Variants in CSMD1 observed in about 807,000 individuals in gnomAD.
CSMD1 encodes CUB and Sushi multiple domains 1, also known as CUB and sushi domain-containing protein 1.
A neutral mutation model predicts 417.5 loss-of-function variants in CSMD1; 213 were observed. That is an observed-to-expected ratio of 0.51 (90% CI 0.46 to 0.57). The LOEUF (loss-of-function observed/expected upper bound fraction) is 0.57, where lower values mean the gene tolerates loss of function less well. CSMD1 is among the 20% of genes least tolerant of loss of function. CSMD1 has a pLI of 0.00. For synonymous variants in CSMD1, 2,862 were observed against 1,736.8 expected, an observed-to-expected ratio of 1.65 and a Z score of -16.11; for missense variants, 6,923 against 4,529.7, an observed-to-expected ratio of 1.53 and a Z score of -15.17.
Position 3,820,451 on chromosome 8 carries a change from G to C in CSMD1, c.819-66409C>G, listed in dbSNP as rs141362208. On this transcript the variant is annotated intron_variant, in intron 5 of 69. Transcript: ENST00000635120. Reference sequence around the variant, plus strand: ...CAGGGTCAGGACAATCAATATCACTGTCTTCCAACTTGATACCTTGTCCCA... The same window carrying C: ...CAGGGTCAGGACAATCAATATCACTCTCTTCCAACTTGATACCTTGTCCCA... Among the ~76,000 whole-genome samples the C allele has an allele frequency of 1.2e-4, 19 of 152,346 alleles. 2 individuals are homozygous for C. The highest frequency in any genetic ancestry group is 4.6e-4 in the African/African-American group (19 of 41,590).
At chr8:4,422,852 G>A (rs1056765885) in intron 2 of CSMD1, among the ~76,000 whole-genome samples, 2 of 152,004 alleles carry the variant, frequency 1.3e-5, no homozygotes, top group Non-Finnish European at 2.9e-5. Flanking sequence ...GTTTATTAGA[G>A]GAATGTTAGA....
intron 3 of CSMD1, among the ~76,000 whole-genome samples, chr8:4,288,086 G>A (rs1436567141): frequency 6.6e-6 from 1 of 152,130 alleles, no homozygotes; most frequent in Non-Finnish European, 1.5e-5. Flanking sequence ...CTTTTACTGA[G>A]CCTTAGTTTT....
intron 3 of CSMD1, among the ~76,000 whole-genome samples, chr8:4,125,891 A>C (rs1802736010): frequency 6.6e-6 from 1 of 152,188 alleles, no homozygotes; most frequent in African/African-American, 2.4e-5. Flanking sequence ...CTTACGGTTT[A>C]GGAGACACGC....
At chr8:3,084,433 G>C (rs916027834) in intron 49 of CSMD1, among the ~76,000 whole-genome samples, 1 of 144,858 alleles carries the variant, frequency 6.9e-6, no homozygotes, top group Non-Finnish European at 1.5e-5. Context: ...TGAGGCAGGA[G>C]AATTACTTGA....
At chr8:3,130,549 C>T (rs555693179) in intron 41 of CSMD1, among the ~76,000 whole-genome samples, 22 of 152,260 alleles carry the variant, frequency 1.4e-4, no homozygotes, top group Non-Finnish European at 2.5e-4. Context: ...AACCTGAATG[C>T]GTCACAGCCA....
At chr8:4,325,981 C>T (rs1221846362) in intron 3 of CSMD1, among the ~76,000 whole-genome samples, 1 of 152,164 alleles carries the variant, frequency 6.6e-6, no homozygotes, top group African/African-American at 2.4e-5. Flanking sequence ...CAATTTCCTT[C>T]ACCTGGGGTA....
intron 1 of CSMD1, among the ~76,000 whole-genome samples, chr8:4,828,252 T>C (rs183932022): frequency 2.1e-4 from 32 of 152,326 alleles, no homozygotes; most frequent in Non-Finnish European, 3.8e-4. Flanking sequence ...TGAAAAGATA[T>C]GTTCCATGCA....
intron 26 of CSMD1, among the ~76,000 whole-genome samples, chr8:3,275,404 G>T (rs1033551820): frequency 6.6e-6 from 1 of 152,062 alleles, no homozygotes; most frequent in Non-Finnish European, 1.5e-5. Context: ...ACAATTATGT[G>T]TCTTGGTGTT....
At chr8:2,975,895 T>G (rs1280325858) in intron 55 of CSMD1, among the ~76,000 whole-genome samples, 2 of 152,034 alleles carry the variant, frequency 1.3e-5, no homozygotes, top group Non-Finnish European at 2.9e-5. Flanking sequence ...TCCTGGAGAC[T>G]TGAGGAACAT....
rs1376057050 is a variant in CSMD1 at position 4,102,805 on chromosome 8, T to C, written c.416-70706A>G. Among the ~76,000 whole-genome samples the C allele has an allele frequency of 2.0e-5, 3 of 152,160 alleles. No homozygotes were observed. In the East Asian group the frequency reaches 5.8e-4, roughly 29 times the overall value. Reference sequence around the variant, plus strand: ...GAAGATGATTTTTCTCCTTCAGCAGTTGTGTGCAGCCCGCATTCATATCCT... The same window carrying C: ...GAAGATGATTTTTCTCCTTCAGCAGCTGTGTGCAGCCCGCATTCATATCCT... On this transcript the variant is annotated intron_variant, in intron 3 of 69. Coordinates refer to ENST00000635120, the MANE Select transcript of CSMD1 (RefSeq NM_033225.6).
intron 5 of CSMD1, among the ~76,000 whole-genome samples, chr8:3,768,198 G>C (rs1017344869): frequency 1.3e-5 from 2 of 152,212 alleles, no homozygotes; most frequent in African/African-American, 4.8e-5. Flanking sequence ...TTTAGGAAGA[G>C]TGGTTCCTGG....
chr8:3,655,014 C>G (rs930519679), intron 7 of CSMD1, among the ~76,000 whole-genome samples: 1 of 151,962 alleles, frequency 6.6e-6, no homozygotes, highest in Non-Finnish European at 1.5e-5. Flanking sequence ...CAATAACGCT[C>G]AAATTTTTAA....
At chr8:3,075,534 G>A (rs556832735) in intron 49 of CSMD1, among the ~76,000 whole-genome samples, 52 of 151,852 alleles carry the variant, frequency 3.4e-4, no homozygotes, top group East Asian at 2.0e-3. Flanking sequence ...GTCCACCTAG[G>A]CCTCCCAAAG....
intron 3 of CSMD1, among the ~76,000 whole-genome samples, chr8:4,236,280 G>A (rs1011709365): frequency 6.6e-6 from 1 of 151,902 alleles, no homozygotes; most frequent in Non-Finnish European, 1.5e-5. Flanking sequence ...CACACTGATC[G>A]GAATTCTTAC....
At chr8:3,425,233 G>C (rs1479874539) in intron 12 of CSMD1, among the ~76,000 whole-genome samples, 1 of 152,188 alleles carries the variant, frequency 6.6e-6, no homozygotes, top group Non-Finnish European at 1.5e-5. Flanking sequence ...CTTGGTTTCA[G>C]GCATCCACTG....
At chr8:2,984,400 G>A (rs1352973007) in intron 54 of CSMD1, among the ~76,000 whole-genome samples, 2 of 151,682 alleles carry the variant, frequency 1.3e-5, no homozygotes, top group Non-Finnish European at 1.5e-5. Flanking sequence ...CCAGGCTGGA[G>A]TGCAGTGGCA....
intron 8 of CSMD1, among the ~76,000 whole-genome samples, chr8:3,609,889 G>T (rs1353544269): frequency 1.6e-5 from 2 of 128,860 alleles, no homozygotes; most frequent in Non-Finnish European, 3.1e-5. Flanking sequence ...TGCGATCTCG[G>T]CTCCTGGGTT....
intron 17 of CSMD1, among the ~76,000 whole-genome samples, chr8:3,391,851 G>A (rs184099294): frequency 6.6e-6 from 1 of 152,148 alleles, no homozygotes; most frequent in Non-Finnish European, 1.5e-5. Context: ...AATAATTTCA[G>A]AAAGCAAGGA....
intron 4 of CSMD1, among the ~76,000 whole-genome samples, chr8:4,016,286 G>T (rs535921734): frequency 6.6e-6 from 1 of 152,060 alleles, no homozygotes; most frequent in Admixed American, 6.6e-5. Context: ...AAAGATTCCA[G>T]TAGATGGAAA....
Sources: gnomAD v4.1 joint callset for allele counts (sites outside exome capture counted in the v4.1 genomes callset) on GRCh38, gnomAD v4.1.1 for gene constraint, MANE v1.5 for transcripts, NCBI Gene and HGNC (gene_info 2026-07-23, HGNC 2026-07-21) for gene names.